The following SLC3A1 variants were observed in gnomAD, a reference collection of about 807,000 sequenced individuals.
SLC3A1 encodes the protein solute carrier family 3 member 1.
A neutral mutation model predicts 60.3 loss-of-function variants in SLC3A1; 78 were observed. That is an observed-to-expected ratio of 1.29 (90% CI 1.08 to 1.56). SLC3A1 has a LOEUF of 1.56. Ranked by LOEUF, SLC3A1 falls within the 40% of genes most tolerant of loss-of-function variation. The pLI is 0.00. For missense variants in SLC3A1, 1,172 were observed against 858.9 expected (o/e 1.36, Z -4.56); for synonymous variants, 392 against 307.9 (o/e 1.27, Z -2.86).
In SLC3A1 at chr2:44,275,888, G is replaced by T. The variant is rs1263355670; in HGVS notation, c.353G>T (p.Trp118Leu). The stretch of plus-strand genomic sequence containing the variant: ...CTCTCTCCAAAGTGCCTAGACTGGT[G>T]GCAGGAGGGGCCCATGTACCAGATC... ...IALSPKCLDW[W>L]QEGPMYQIYP... The change falls in exon 1 of 10, where the codon TGG (tryptophan) becomes TTG (leucine). Residue 118 changes from tryptophan (W) to leucine (L), a missense_variant. By Grantham distance (61) the Trp-to-Leu change is moderately conservative. Coordinates refer to ENST00000260649, the MANE Select transcript of SLC3A1 (RefSeq NM_000341.4). 1.2e-6 allele frequency: 2 copies of T among 1,613,888 alleles called. No homozygotes were observed. Among genetic ancestry groups the T allele is most frequent in the Non-Finnish European group, 1.7e-6 (2 of 1,180,000 alleles).
chr2:44,290,437 C>T lies in SLC3A1; in HGVS notation c.891+4280C>T, dbSNP rs182198415. ...GTCCTTTGGATTTCCATGTGAATTT[C>T]TGAGTCAGCTTGACAATGTTTGCAA... On this transcript the variant is annotated intron_variant, in intron 4 of 9. Coordinates refer to ENST00000260649, the MANE Select transcript of SLC3A1 (RefSeq NM_000341.4). 2.6e-4 allele frequency among the ~76,000 whole-genome samples: 39 copies of T among 152,248 alleles called. 1 individual carries two copies. The highest frequency in any genetic ancestry group is 7.2e-4 in the African/African-American group (30 of 41,540).
At chr2:44,311,161 T>G (rs1672286362) in intron 7 of SLC3A1, among the ~76,000 whole-genome samples, 1 of 152,202 alleles carries the variant, frequency 6.6e-6, no homozygotes, top group African/African-American at 2.4e-5. Flanking sequence ...GTTTTCTGAT[T>G]CCTTTGCTAG....
At position 44,302,759 on chromosome 2, in the gene SLC3A1, T is replaced by C. The variant is rs1192821078; in HGVS notation, c.1137-1384T>C. 9.2e-5 allele frequency among the ~76,000 whole-genome samples: 14 copies of C among 152,348 alleles called. No homozygotes were observed. In the East Asian group the frequency reaches 2.7e-3, roughly 29 times the overall value. ...GTTCTTTTGAAGAAAATACCCCACC[T>C]AATTTGCAGACATAAACTTTAGATT... On this transcript the variant is annotated intron_variant, in intron 6 of 9. Transcript: ENST00000260649.
At chr2:44,300,166 G>A (rs1671966564) in intron 5 of SLC3A1, 76 bp downstream of exon 5, 1 of 1,441,220 alleles carries the variant, frequency 6.9e-7, no homozygotes, top group Admixed American at 1.7e-5. Context: ...CTCAGCCTGA[G>A]ATACCAGTTA....
downstream of SLC3A1, chr2:44,321,508 GCTT>G: frequency 6.4e-7 from 1 of 1,573,992 alleles, no homozygotes; most frequent in Non-Finnish European, 8.6e-7. Flanking sequence ...CACTGTTTAA[GCTT>G]CTCTTTATCT....
chr2:44,308,501 T>C (rs560294229), intron 7 of SLC3A1, among the ~76,000 whole-genome samples: 102 of 152,276 alleles, frequency 6.7e-4, no homozygotes, highest in Non-Finnish European at 1.1e-3. Flanking sequence ...TTTCTTTTGA[T>C]GATGTTTTGT....
chr2:44,314,133 C>G (rs1672366345), intron 9 of SLC3A1, 182 bp downstream of exon 9: 10 of 1,423,376 alleles, frequency 7.0e-6, no homozygotes, highest in Non-Finnish European at 8.6e-6. Flanking sequence ...AAAATACAAA[C>G]TGGTACAAAT....
At chr2:44,319,240 A>G (rs1368260886) in intron 9 of SLC3A1, 2 of 152,630 alleles carry the variant, frequency 1.3e-5, no homozygotes, top group Non-Finnish European at 2.9e-5. Flanking sequence ...CCCAGTAAAC[A>G]TGGCTGGCAA....
chr2:44,295,295 C>T (rs1352268210), intron 4 of SLC3A1, among the ~76,000 whole-genome samples: 1 of 152,114 alleles, frequency 6.6e-6, no homozygotes. Flanking sequence ...TGCGTGATGT[C>T]ATGGGAGTCA....
At chr2:44,311,139 T>C (rs1231781123) in intron 7 of SLC3A1, among the ~76,000 whole-genome samples, 1 of 152,186 alleles carries the variant, frequency 6.6e-6, no homozygotes, top group Admixed American at 6.5e-5. Flanking sequence ...ATACTCTCAA[T>C]TGAGTCTTCA....
chr2:44,277,952 CCTT>C (rs944363105), intron 1 of SLC3A1, among the ~76,000 whole-genome samples: 2 of 152,160 alleles, frequency 1.3e-5, no homozygotes, highest in Non-Finnish European at 2.9e-5. Context: ...TGCCCTCTCT[CCTT>C]CTAAAATGTG....
intron 6 of SLC3A1, 127 bp downstream of exon 6, chr2:44,301,254 T>A: frequency 8.0e-7 from 1 of 1,255,072 alleles, no homozygotes; most frequent in South Asian, 1.3e-5. Flanking sequence ...TCTAATTGAT[T>A]ACAGTTTGGT....
At chr2:44,282,165 C>G (rs1671513808) in intron 3 of SLC3A1, among the ~76,000 whole-genome samples, 1 of 152,182 alleles carries the variant, frequency 6.6e-6, no homozygotes, top group Non-Finnish European at 1.5e-5. Flanking sequence ...AGCCACCGCT[C>G]CTGGCCCCCT....
intron 3 of SLC3A1, among the ~76,000 whole-genome samples, chr2:44,283,513 G>T (rs1671546445): frequency 1.3e-5 from 2 of 152,148 alleles, no homozygotes; most frequent in African/African-American, 4.8e-5. Context: ...GCAGACTGAG[G>T]TTACTCAGCT....
At chr2:44,310,206 T>A (rs1242087098) in intron 7 of SLC3A1, among the ~76,000 whole-genome samples, 1 of 152,212 alleles carries the variant, frequency 6.6e-6, no homozygotes, top group East Asian at 1.9e-4. Context: ...GATCATATAG[T>A]ACTTCTGTGA....
At chr2:44,295,735 A>G (rs1011455406) in intron 4 of SLC3A1, among the ~76,000 whole-genome samples, 2 of 152,234 alleles carry the variant, frequency 1.3e-5, no homozygotes, top group African/African-American at 4.8e-5. Context: ...TCCGTAAAGA[A>G]AAGGACTGGC....
In SLC3A1 at chr2:44,301,523, G is replaced by A. The variant is rs185936290; in HGVS notation, c.1136+396G>A. 1.4e-5 allele frequency: 5 copies of A among 345,362 alleles called. No individual in the cohort carries two copies. In the East Asian group the frequency reaches 2.2e-4, roughly 15 times the overall value. 21.4% of individuals were successfully genotyped at this position (345,362 alleles called of 1,614,324 possible). On this transcript the variant is annotated intron_variant, in intron 6 of 9. Transcript: ENST00000260649. ...TAGGAGGCCAAGGCAGGCGGATCAC[G>A]AGGTCAGGAGTTTGAGACCAGCCTG... is the stretch of plus-strand genomic sequence containing the variant.
chr2:44,288,626 G>A (rs190299288), intron 4 of SLC3A1, among the ~76,000 whole-genome samples: 26 of 152,242 alleles, frequency 1.7e-4, no homozygotes, highest in Non-Finnish European at 2.1e-4. Context: ...ATGGGTAAGC[G>A]TTCTAATTTC....
rs778276427 is a variant in SLC3A1, at chr2:44,304,185, C to T, written c.1179C>T (p.Thr393=). The change falls in exon 7 of 10, where the codon ACC becomes ACT. Residue 393 remains threonine (T), a synonymous_variant. Transcript: ENST00000260649. Reference sequence around the variant, plus strand: ...CCTATGCAGAGAGTATTGACAGGACCGTGATGTACTATGGATTGCCATTTA... The same window carrying T: ...CCTATGCAGAGAGTATTGACAGGACTGTGATGTACTATGGATTGCCATTTA... The part of the protein sequence containing the change: ...TEAYAESIDR[T]VMYYGLPFIQ... The T allele has an allele frequency of 2.2e-5, 36 of 1,613,948 alleles. No individual in the cohort carries two copies. The highest frequency in any genetic ancestry group is 8.3e-5 in the Admixed American group (5 of 59,992).
Sources: gnomAD v4.1 joint callset for allele counts (sites outside exome capture counted in the v4.1 genomes callset) on GRCh38, gnomAD v4.1.1 for gene constraint, MANE v1.5 for transcripts, NCBI Gene and HGNC (gene_info 2026-07-23, HGNC 2026-07-21) for gene names.